Variants in NOL4 observed in about 807,000 individuals in gnomAD.
The protein encoded by NOL4 is cancer/testis antigen 125.
A neutral mutation model predicts 75.9 loss-of-function variants in NOL4; 17 were observed. The ratio of observed to expected loss-of-function variants is 0.22; its 90% CI spans 0.15 to 0.34. The LOEUF is 0.34. Ranked by LOEUF, NOL4 falls within the 10% of genes least tolerant of loss-of-function variation. The probability of loss-of-function intolerance (pLI) is 1.00; values close to 1 mark genes in which losing one functional copy is unlikely to be tolerated. For missense variants in NOL4, 614 were observed against 793.5 expected (o/e 0.77, Z 2.72); for synonymous variants, 292 against 289.9 (o/e 1.01, Z -0.07).
intron 1 of NOL4, among the ~76,000 whole-genome samples, chr18:34,133,142 C>A (rs916463428): frequency 6.6e-6 from 1 of 151,488 alleles, no homozygotes; most frequent in East Asian, 1.9e-4. Context: ...TGTGGTGGTG[C>A]GTGCCTGTAA....
chr18:34,151,991 C>A lies in NOL4; in HGVS notation c.265-21971G>T, dbSNP rs560198038. 8.6e-5 allele frequency among the ~76,000 whole-genome samples: 13 copies of A among 151,708 alleles called. 1 individual carries two copies. The South Asian group carries it at 2.7e-3, about 32-fold the overall frequency. ...GAATTTTTTGTAAACTATGCTTGATCAATTTGAAAAAATGAAAAATTCACA... is the reference window on the plus strand; with the variant it reads ...GAATTTTTTGTAAACTATGCTTGATAAATTTGAAAAAATGAAAAATTCACA... On this transcript the variant is annotated intron_variant, in intron 1 of 10. Transcript: ENST00000261592.
chr18:34,180,592 A>T (rs1451782892), intron 1 of NOL4, among the ~76,000 whole-genome samples: 8 of 151,420 alleles, frequency 5.3e-5, no homozygotes, highest in African/African-American at 1.9e-4. Context: ...TCTATTCAAC[A>T]CTATAGTGGA....
At chr18:34,195,649 A>T (rs1354340032) in intron 1 of NOL4, among the ~76,000 whole-genome samples, 3 of 151,956 alleles carry the variant, frequency 2.0e-5, no homozygotes, top group Non-Finnish European at 4.4e-5. Context: ...AAAGCTATTT[A>T]AATTTAACAA....
At chr18:33,895,086 C>T (rs2065319897) in intron 9 of NOL4, among the ~76,000 whole-genome samples, 1 of 152,040 alleles carries the variant, frequency 6.6e-6, no homozygotes, top group African/African-American at 2.4e-5. Flanking sequence ...GTACCCTATA[C>T]ATTTTAAAAT....
rs151069351 is a variant in NOL4, at chr18:34,113,025, C to A, written c.415-7865G>T. 3.2e-4 allele frequency among the ~76,000 whole-genome samples: 48 copies of A among 152,274 alleles called. 1 individual carries two copies. In the East Asian group the frequency reaches 7.6e-3, roughly 24 times the overall value. The stretch of plus-strand genomic sequence containing the variant: ...ACAGGGTCTCTTTCTATTGCCCAGG[C>A]TGCAATCACAGCTCACTGTAGACTC... On this transcript the variant is annotated intron_variant, in intron 2 of 10. Transcript: ENST00000261592.
intron 1 of NOL4, among the ~76,000 whole-genome samples, chr18:34,167,337 T>C (rs931368789): frequency 1.3e-5 from 2 of 152,060 alleles, no homozygotes; most frequent in African/African-American, 2.4e-5. Context: ...TTACACCTCC[T>C]ACATATCCAG....
chr18:34,113,273 C>T (rs1208646147), intron 2 of NOL4, among the ~76,000 whole-genome samples: 7 of 152,152 alleles, frequency 4.6e-5, no homozygotes, highest in Middle Eastern at 3.2e-3. Context: ...AGCAACTGCA[C>T]CTGGCTACAA....
intron 6 of NOL4, among the ~76,000 whole-genome samples, chr18:34,018,096 CAT>C (rs1457813323): frequency 1.3e-5 from 2 of 152,234 alleles, no homozygotes; most frequent in East Asian, 3.9e-4. Context: ...TTAATAGACA[CAT>C]AGCATAGAAA....
intron 1 of NOL4, among the ~76,000 whole-genome samples, chr18:34,140,964 G>A (rs12967132): frequency 4.0e-5 from 6 of 151,758 alleles, no homozygotes; most frequent in East Asian, 3.9e-4. Flanking sequence ...CTCCTTAAGC[G>A]CATAAGCAAC....
rs774158594 is a variant in NOL4, at chr18:33,922,141, T to C, written c.1542+20924A>G. Among the ~76,000 whole-genome samples, 2 of 152,204 alleles carry C rather than the reference T, an allele frequency of 1.3e-5. 1 individual carries two copies. Among genetic ancestry groups the C allele is most frequent in the Non-Finnish European group, 2.9e-5 (2 of 68,026 alleles). The stretch of plus-strand genomic sequence containing the variant: ...CAAGAGATCTCTGAGAGAAGACCCA[T>C]AATTATGAGACACTCAATCAACCAT... On this transcript the variant is annotated intron_variant, in intron 9 of 10. Coordinates refer to ENST00000261592, the MANE Select transcript of NOL4 (RefSeq NM_003787.5).
chr18:34,165,729 C>T (rs1040284318), intron 1 of NOL4, among the ~76,000 whole-genome samples: 9 of 151,926 alleles, frequency 5.9e-5, no homozygotes, highest in African/African-American at 1.5e-4. Context: ...ACCCCAAATA[C>T]GTAATTTTTA....
chr18:33,950,524 A>G (rs8091595), intron 8 of NOL4, among the ~76,000 whole-genome samples: 53,125 of 151,948 alleles, frequency 0.35, 9,739 homozygotes, highest in Non-Finnish European at 0.41. Context: ...GAATTGAGCA[A>G]CTTTCATGAG....
In NOL4 at chr18:33,883,197, A is replaced by G. The variant is rs1212458602; in HGVS notation, c.1723+47T>C. On this transcript the variant is annotated intron_variant, in intron 10 of 10. Transcript: ENST00000261592. ...AATGTGCACATGTACCCTAAAACTT[A>G]AAGTATAATAATTAAAAAAAAAACA... 3 of 1,432,484 alleles carry G rather than the reference A, an allele frequency of 2.1e-6. 1 individual carries two copies. Among genetic ancestry groups the G allele is most frequent in the South Asian group, 2.7e-5 (2 of 73,394 alleles). The allele number at this position is 1,432,484 out of a possible 1,614,324, so 88.7% of individuals were successfully genotyped here. A position where few individuals can be genotyped will look rare whatever the true frequency, so the allele number is the denominator to read the frequency against.
intron 5 of NOL4, among the ~76,000 whole-genome samples, chr18:34,043,473 CAA>C (rs2076228718): frequency 6.6e-6 from 1 of 151,996 alleles, no homozygotes; most frequent in African/African-American, 2.4e-5. Context: ...CAAGAAAAAA[CAA>C]TAAAAATAAT....
intron 6 of NOL4, among the ~76,000 whole-genome samples, chr18:33,983,521 T>A (rs1024944642): frequency 1.3e-5 from 2 of 151,956 alleles, no homozygotes; most frequent in African/African-American, 4.8e-5. Flanking sequence ...TATATATGTA[T>A]ACACATATTT....
chr18:33,883,216 A>T lies in NOL4; in HGVS notation c.1723+28T>A, dbSNP rs752974613. 4 of 1,534,728 alleles carry T rather than the reference A, an allele frequency of 2.6e-6. No individual in the cohort carries two copies. The African/African-American group carries it at 5.6e-5, about 21-fold the overall frequency. ...AAACTTAAAGTATAATAATTAAAAA[A>T]AAAACACAATCTATGATAAATACTC... On this transcript the variant is annotated intron_variant, in intron 10 of 10. Transcript: ENST00000261592.
At chr18:33,909,270 C>T (rs1474077142) in intron 9 of NOL4, among the ~76,000 whole-genome samples, 1 of 151,982 alleles carries the variant, frequency 6.6e-6, no homozygotes, top group Non-Finnish European at 1.5e-5. Context: ...CATTTTTATT[C>T]TCTAGGAGTC....
chr18:34,160,859 T>C (rs1371550371), intron 1 of NOL4, among the ~76,000 whole-genome samples: 2 of 152,188 alleles, frequency 1.3e-5, no homozygotes, highest in Non-Finnish European at 2.9e-5. Context: ...TTTATAAATA[T>C]ACAATATATT....
intron 5 of NOL4, among the ~76,000 whole-genome samples, chr18:34,024,801 T>C (rs1037125052): frequency 6.6e-6 from 1 of 152,180 alleles, no homozygotes; most frequent in Non-Finnish European, 1.5e-5. Flanking sequence ...TGGAATTTCC[T>C]GGGGGAGATG....
Sources: gnomAD v4.1 joint callset for allele counts (sites outside exome capture counted in the v4.1 genomes callset) on GRCh38, gnomAD v4.1.1 for gene constraint, MANE v1.5 for transcripts, NCBI Gene and HGNC (gene_info 2026-07-23, HGNC 2026-07-21) for gene names.